DOCK1: variants seen among roughly 807,000 people sequenced by gnomAD.
The protein encoded by DOCK1 is dedicator of cytokinesis protein 1.
DOCK1 carries 138 observed loss-of-function variants against 262.7 expected under a neutral mutation model. The observed-to-expected ratio is 0.53, with a 90% CI of 0.46 to 0.61. The LOEUF (loss-of-function observed/expected upper bound fraction) is 0.61. Among genes scored for constraint, DOCK1 ranks in the 20% least tolerant of loss-of-function variants. The probability of loss-of-function intolerance (pLI) is 0.00; values close to 1 mark genes in which losing one functional copy is unlikely to be tolerated. For synonymous variants in DOCK1, 866 were observed against 867.4 expected, an observed-to-expected ratio of 1.00 and a Z score of 0.03; for missense variants, 1,908 against 2,370.7, an observed-to-expected ratio of 0.80 and a Z score of 4.05.
intron 27 of DOCK1, among the ~76,000 whole-genome samples, chr10:127,179,850 TC>T (rs1283758558): frequency 6.6e-6 from 1 of 152,230 alleles, no homozygotes; most frequent in Non-Finnish European, 1.5e-5. Flanking sequence ...AGTTAAGTGC[TC>T]CTATGTGCTA....
intron 31 of DOCK1, among the ~76,000 whole-genome samples, chr10:127,349,759 C>T (rs550597923): frequency 6.6e-5 from 10 of 152,232 alleles, no homozygotes; most frequent in Non-Finnish European, 1.0e-4. Context: ...TCCTGGCTTC[C>T]GGTGGCTGCC....
At chr10:127,329,181 C>T (rs955651715) in intron 29 of DOCK1, among the ~76,000 whole-genome samples, 4 of 152,124 alleles carry the variant, frequency 2.6e-5, no homozygotes, top group African/African-American at 7.2e-5. Context: ...CAGCTGATGA[C>T]ACACATTCCT....
chr10:127,418,604 C>A, intron 45 of DOCK1, 63 bp downstream of exon 45: 1 of 1,531,534 alleles, frequency 6.5e-7, no homozygotes, highest in South Asian at 1.3e-5. Context: ...TGAAAATTCC[C>A]GAGAGTCCCC....
At chr10:127,372,997 A>G (rs1046294925) in intron 33 of DOCK1, among the ~76,000 whole-genome samples, 5 of 152,216 alleles carry the variant, frequency 3.3e-5, no homozygotes, top group African/African-American at 1.2e-4. Flanking sequence ...GAGATGGGGA[A>G]CTGGGCAGTG....
chr10:127,425,220 AC>A lies in DOCK1; in HGVS notation c.4777-653del, dbSNP rs547344813. Among the ~76,000 whole-genome samples, 5 of 152,250 alleles carry A rather than the reference AC, an allele frequency of 3.3e-5. No homozygotes were observed. The South Asian group carries it at 1.0e-3, about 32-fold the overall frequency. ...GCAGAGACCAGGGACAGAAAGGGAG[AC>A]TTTTCCTTCTCCCACCCCACAACAG... On this transcript the variant is annotated intron_variant, in intron 46 of 51. Coordinates refer to ENST00000623213, the MANE Select transcript of DOCK1 (RefSeq NM_001290223.2).
chr10:127,125,847 C>T (rs914019065), intron 26 of DOCK1, among the ~76,000 whole-genome samples: 1 of 152,084 alleles, frequency 6.6e-6, no homozygotes, highest in African/African-American at 2.4e-5. Flanking sequence ...AAATGTCTCT[C>T]AGGACCTAAA....
intron 23 of DOCK1, among the ~76,000 whole-genome samples, chr10:127,062,119 A>T (rs1005523678): frequency 6.6e-6 from 1 of 151,726 alleles, no homozygotes; most frequent in Non-Finnish European, 1.5e-5. Context: ...TTGTATTTTT[A>T]GTAGAGATGG....
intron 23 of DOCK1, among the ~76,000 whole-genome samples, chr10:127,096,255 C>T (rs889210327): frequency 6.6e-6 from 1 of 152,146 alleles, no homozygotes; most frequent in Admixed American, 6.5e-5. Context: ...CCGACCATCA[C>T]GTCCAGCCAT....
chr10:127,227,770 G>A (rs1033231407), intron 27 of DOCK1, among the ~76,000 whole-genome samples: 1 of 152,208 alleles, frequency 6.6e-6, no homozygotes, highest in Non-Finnish European at 1.5e-5. Context: ...TTCCATGCTG[G>A]CTGAAATCAA....
intron 29 of DOCK1, among the ~76,000 whole-genome samples, chr10:127,260,688 T>G (rs889094706): frequency 1.3e-4 from 19 of 148,070 alleles, no homozygotes; most frequent in Admixed American, 8.7e-4. Flanking sequence ...CATGTGGGTG[T>G]GTGTGTACTC....
rs1342842047 is a variant in DOCK1, at chr10:127,218,913, C to G, written c.2848-29095C>G. ...AGATGGCGCCTTGTTGCTTCATCCT[C>G]TGGAGGGGAGAAAGCTGTGTCCCCT... On this transcript the variant is annotated intron_variant, in intron 27 of 51. Coordinates refer to ENST00000623213, the MANE Select transcript of DOCK1 (RefSeq NM_001290223.2). 5.3e-5 allele frequency among the ~76,000 whole-genome samples: 8 copies of G among 152,302 alleles called. No homozygotes were observed. The East Asian group carries it at 1.5e-3, about 29-fold the overall frequency.
chr10:127,277,584 C>T (rs923181457), intron 29 of DOCK1, among the ~76,000 whole-genome samples: 4 of 152,048 alleles, frequency 2.6e-5, no homozygotes, highest in African/African-American at 7.2e-5. Flanking sequence ...ATGGTGAAAC[C>T]TCGTCTCTAC....
intron 26 of DOCK1, among the ~76,000 whole-genome samples, 154 bp from the exon 27 acceptor site, chr10:127,127,515 G>A (rs2050037021): frequency 6.6e-6 from 1 of 152,004 alleles, no homozygotes; most frequent in South Asian, 2.1e-4. Flanking sequence ...GTTTTTTTGT[G>A]AGAGCTTTTG....
At chr10:127,391,851 T>C (rs2066497159) in intron 38 of DOCK1, among the ~76,000 whole-genome samples, 1 of 152,002 alleles carries the variant, frequency 6.6e-6, no homozygotes, top group South Asian at 2.1e-4. Context: ...CTCCTGCAGA[T>C]AGATAGCAGT....
At chr10:127,396,714 A>T (rs2066870849) in intron 38 of DOCK1, among the ~76,000 whole-genome samples, 2 of 151,570 alleles carry the variant, frequency 1.3e-5, no homozygotes, top group Non-Finnish European at 2.9e-5. Flanking sequence ...GCAAAACTAC[A>T]AATGTCCTGG....
chr10:127,038,919 T>C (rs559909816), intron 19 of DOCK1, among the ~76,000 whole-genome samples: 1 of 152,308 alleles, frequency 6.6e-6, no homozygotes, highest in Non-Finnish European at 1.5e-5. Flanking sequence ...TGTTTTTGGC[T>C]ATGGGACGAT....
At chr10:127,332,204 G>A (rs376391479) in intron 29 of DOCK1, among the ~76,000 whole-genome samples, 19 of 152,126 alleles carry the variant, frequency 1.2e-4, no homozygotes, top group South Asian at 2.1e-4. Flanking sequence ...GGGATGACAC[G>A]GCCTCAGGCT....
chr10:126,934,399 T>G (rs2034404618), intron 1 of DOCK1, among the ~76,000 whole-genome samples: 1 of 152,226 alleles, frequency 6.6e-6, no homozygotes, highest in South Asian at 2.1e-4. Context: ...CCGACACCAC[T>G]GGGGCTCTGT....
At chr10:127,224,146 A>G (rs904579446) in intron 27 of DOCK1, among the ~76,000 whole-genome samples, 1 of 152,188 alleles carries the variant, frequency 6.6e-6, no homozygotes, top group African/African-American at 2.4e-5. Context: ...CTTTTCATCC[A>G]TGGAAAACCA....
Sources: gnomAD v4.1 joint callset for allele counts (sites outside exome capture counted in the v4.1 genomes callset) on GRCh38, gnomAD v4.1.1 for gene constraint, MANE v1.5 for transcripts, NCBI Gene and HGNC (gene_info 2026-07-23, HGNC 2026-07-21) for gene names.